The following SLC35F4 variants were observed in gnomAD, a reference collection of about 807,000 sequenced individuals.
The protein encoded by SLC35F4 is chromosome 14 open reading frame 36.
In SLC35F4, 24 loss-of-function variants were observed where a neutral mutation model predicts 44.2. That is an observed-to-expected ratio of 0.54 (90% CI 0.39 to 0.76). The LOEUF is 0.76. Among genes scored for constraint, SLC35F4 ranks in the 30% least tolerant of loss-of-function variants. The pLI, the probability that SLC35F4 is intolerant of heterozygous loss-of-function variation, is 0.00. For synonymous variants in SLC35F4, 238 were observed against 223.6 expected (o/e 1.06, Z -0.57); for missense variants, 562 against 586.1 (o/e 0.96, Z 0.42).
At chr14:57,882,432 T>C (rs1888554983) in intron 1 of SLC35F4, among the ~76,000 whole-genome samples, 1 of 152,214 alleles carries the variant, frequency 6.6e-6, no homozygotes, top group Non-Finnish European at 1.5e-5. Flanking sequence ...CTGTCTCATT[T>C]CACTATGCCT....
rs191231517 is a variant in SLC35F4, at chr14:57,927,753, A to C, written n.282+54160T>G. ...TGATCCACCCACCTCAGCCTCCAAA[A>C]GTGCTGGGATTACAGGCATTAGCCA... On this transcript the variant is annotated intron_variant and non_coding_transcript_variant, in intron 1 of 1. Coordinates refer to the SLC35F4 transcript ENST00000556568. 1.2e-3 allele frequency among the ~76,000 whole-genome samples: 190 copies of C among 152,164 alleles called. 1 individual carries two copies. The highest frequency in any genetic ancestry group is 2.2e-3 in the Non-Finnish European group (153 of 68,000).
chr14:57,777,144 T>C (rs60905996), intron 1 of SLC35F4, among the ~76,000 whole-genome samples: 7,560 of 152,262 alleles, frequency 0.05, 632 homozygotes, highest in African/African-American at 0.17. Flanking sequence ...AAAGAAAGGA[T>C]GTGGAGAAAT....
chr14:57,918,982 C>G (rs1215744442), intron 1 of SLC35F4, among the ~76,000 whole-genome samples: 4 of 152,222 alleles, frequency 2.6e-5, no homozygotes, highest in Non-Finnish European at 5.9e-5. Flanking sequence ...CAGGAGGTGA[C>G]TGTTCAACCA....
chr14:57,643,183 CACTT>C (rs2140167900), intron 1 of SLC35F4, among the ~76,000 whole-genome samples: 1 of 151,986 alleles, frequency 6.6e-6, no homozygotes, highest in South Asian at 2.1e-4. Context: ...AGTATAGTAA[CACTT>C]ACTAGAGCAC....
At chr14:57,871,961 A>G (rs1248961228) in intron 1 of SLC35F4, among the ~76,000 whole-genome samples, 1 of 152,218 alleles carries the variant, frequency 6.6e-6, no homozygotes, top group South Asian at 2.1e-4. Flanking sequence ...AAGACATACT[A>G]TGTATGTCTA....
At position 57,786,896 on chromosome 14, in the gene SLC35F4, G is replaced by A. The variant is rs146298725; in HGVS notation, c.103+78827C>T. ...ACAATCATATTAGTTCAGCAGCAATGGACCCAAACCAAGAAGAGATCCCAG... is the reference window on the plus strand; with the variant it reads ...ACAATCATATTAGTTCAGCAGCAATAGACCCAAACCAAGAAGAGATCCCAG... On this transcript the variant is annotated intron_variant, in intron 1 of 7. Transcript: ENST00000556826. Among the ~76,000 whole-genome samples, 8 of 152,190 alleles carry A rather than the reference G, an allele frequency of 5.3e-5. No individual in the cohort carries two copies. In the East Asian group the frequency reaches 1.5e-3, roughly 29 times the overall value.
chr14:57,601,714 GT>G (rs2070837110), intron 1 of SLC35F4, among the ~76,000 whole-genome samples: 1 of 151,974 alleles, frequency 6.6e-6, no homozygotes, highest in African/African-American at 2.4e-5. Flanking sequence ...TTCTCTACTT[GT>G]AATCAACTTT....
chr14:57,755,492 T>G (rs192901373), intron 1 of SLC35F4, among the ~76,000 whole-genome samples: 7 of 152,322 alleles, frequency 4.6e-5, no homozygotes, highest in South Asian at 2.1e-4. Flanking sequence ...TGGGAGTTTG[T>G]GAGGAAGACT....
chr14:57,964,211 G>C (rs1369647501), intron 1 of SLC35F4, among the ~76,000 whole-genome samples: 3 of 152,154 alleles, frequency 2.0e-5, no homozygotes, highest in Non-Finnish European at 4.4e-5. Context: ...GAGGAAGCTA[G>C]CTTGGCTAGC....
chr14:57,949,133 TCC>T (rs200636527), intron 1 of SLC35F4, among the ~76,000 whole-genome samples: 1 of 152,188 alleles, frequency 6.6e-6, no homozygotes, highest in South Asian at 2.1e-4. Flanking sequence ...GATATTGAAA[TCC>T]CCTACTATTA....
chr14:57,600,713 A>AAAC lies in SLC35F4; in HGVS notation c.104-6590_104-6589insGTT, dbSNP rs1555358619. On this transcript the variant is annotated intron_variant, in intron 1 of 7. Coordinates refer to ENST00000556826, the MANE Select transcript of SLC35F4 (RefSeq NM_001306087.2). The stretch of plus-strand genomic sequence containing the variant: ...TCTCAAAAAAAAAAAAAAAAAAAAA[A>AAAC]AAAAAACCAAAAAGATAAAATATCA... 9.7e-4 allele frequency among the ~76,000 whole-genome samples: 119 copies of AAAC among 122,300 alleles called. 10 individuals are homozygous for AAAC. Among genetic ancestry groups the AAAC allele is most frequent in the African/African-American group, 2.5e-3 (84 of 34,028 alleles). The allele number at this position is 122,300 out of a possible 152,430, so 80.2% of individuals were successfully genotyped here.
intron 1 of SLC35F4, among the ~76,000 whole-genome samples, chr14:57,753,655 C>T (rs536132041): frequency 6.6e-6 from 1 of 152,302 alleles, no homozygotes; most frequent in South Asian, 2.1e-4. Context: ...AATTCTCTTA[C>T]ATACCACTTT....
At chr14:57,705,615 G>A (rs2075652679) in intron 1 of SLC35F4, among the ~76,000 whole-genome samples, 1 of 152,076 alleles carries the variant, frequency 6.6e-6, no homozygotes, top group African/African-American at 2.4e-5. Flanking sequence ...CCACTTCCAT[G>A]ACCCCAGCTT....
At chr14:57,878,773 A>T (rs547066301) in intron 1 of SLC35F4, among the ~76,000 whole-genome samples, 2 of 152,298 alleles carry the variant, frequency 1.3e-5, no homozygotes, top group South Asian at 4.1e-4. Context: ...AACATCTAGT[A>T]TAGTGCCAGG....
At chr14:57,900,211 C>T (rs1384025559) in intron 1 of SLC35F4, among the ~76,000 whole-genome samples, 2 of 152,144 alleles carry the variant, frequency 1.3e-5, no homozygotes, top group Admixed American at 1.3e-4. Flanking sequence ...CACTGGGGAC[C>T]CAGGAAGTCC....
chr14:57,765,574 A>G (rs756808129), intron 1 of SLC35F4, among the ~76,000 whole-genome samples: 3 of 152,264 alleles, frequency 2.0e-5, no homozygotes, highest in Non-Finnish European at 4.4e-5. Context: ...ACAAAATGTA[A>G]CATTACATCA....
chr14:57,593,810 G>GA, intron 2 of SLC35F4, 129 bp downstream of exon 2: 2 of 994,866 alleles, frequency 2.0e-6, no homozygotes, highest in Non-Finnish European at 2.9e-6. Context: ...CCTCCGGCTT[G>GA]ATAAAGCTTC....
At chr14:57,693,761 G>T (rs1490878023) in intron 1 of SLC35F4, among the ~76,000 whole-genome samples, 1 of 152,054 alleles carries the variant, frequency 6.6e-6, no homozygotes, top group African/African-American at 2.4e-5. Context: ...GCACCACTGA[G>T]TTAGGGTCTC....
At chr14:57,968,435 C>T (rs1279672113) in intron 1 of SLC35F4, among the ~76,000 whole-genome samples, 1 of 152,218 alleles carries the variant, frequency 6.6e-6, no homozygotes, top group African/African-American at 2.4e-5. Context: ...ACTACTGCCA[C>T]AGTTTATTTG....
Sources: allele counts gnomAD v4.1 joint callset (sites outside exome capture counted in the v4.1 genomes callset), GRCh38; gene constraint gnomAD v4.1.1; transcripts MANE v1.5; gene names NCBI Gene and HGNC (gene_info 2026-07-23, HGNC 2026-07-21).